Variants in SULT1B1 observed in about 807,000 individuals in gnomAD.
SULT1B1 encodes sulfotransferase family 1B member 1, also known as sulfotransferase 1B1.
In SULT1B1, 28 loss-of-function variants were observed where a neutral mutation model predicts 34.6. The ratio of observed to expected loss-of-function variants is 0.81; its 90% CI spans 0.60 to 1.11. The LOEUF is 1.11. Among genes scored for constraint, SULT1B1 ranks in the 50% least tolerant of loss-of-function variants. The pLI is 0.00. For synonymous variants in SULT1B1, 147 were observed against 110.2 expected (o/e 1.33, Z -2.09); for missense variants, 374 against 352.2 (o/e 1.06, Z -0.50).
intron 4 of SULT1B1, among the ~76,000 whole-genome samples, chr4:69,738,357 T>C (rs1718400264): frequency 1.3e-5 from 2 of 152,164 alleles, no homozygotes; most frequent in African/African-American, 4.8e-5. Context: ...TGACTCACAG[T>C]TCTGCATTGC....
intron 7 of SULT1B1, among the ~76,000 whole-genome samples, chr4:69,729,605 C>G (rs1345920765): frequency 6.6e-6 from 1 of 152,014 alleles, no homozygotes; most frequent in Non-Finnish European, 1.5e-5. Context: ...TTTGAAAACA[C>G]TAGGACTATT....
At chr4:69,756,469 T>A (rs1312235330) in intron 1 of SULT1B1, among the ~76,000 whole-genome samples, 1 of 152,198 alleles carries the variant, frequency 6.6e-6, no homozygotes, top group Non-Finnish European at 1.5e-5. Context: ...GTAGACTGAG[T>A]GATTGTCCTG....
At position 69,722,580 on chromosome 4, in the gene SULT1B1, A is replaced by G. The variant is rs1717689930; in HGVS notation, c.*4508T>C. ...TGTGGAACATAAACACAAATTATAT[A>G]CTCTAAAATACTTTATAAAACATAT... On this transcript the variant is annotated 3_prime_UTR_variant, in exon 8 of 8. Coordinates refer to ENST00000310613, the MANE Select transcript of SULT1B1 (RefSeq NM_014465.4). The G allele has an allele frequency of 6.6e-6, 1 of 152,132 alleles. No homozygotes were observed. The highest frequency in any genetic ancestry group is 2.1e-4 in the South Asian group (1 of 4,836). 9.4% of individuals were successfully genotyped at this position (152,132 alleles called of 1,614,324 possible).
rs1019585533 is a variant in SULT1B1 at position 69,726,995 on chromosome 4, A to T, written c.*93T>A. 2 of 811,060 alleles carry T rather than the reference A, an allele frequency of 2.5e-6. No homozygotes were observed. Among genetic ancestry groups the T allele is most frequent in the Admixed American group, 3.0e-5 (1 of 33,318 alleles). The allele number at this position is 811,060 out of a possible 1,614,324, so 50.2% of individuals were successfully genotyped here. ...AAAAGCATATTATTCTCCTTTATAA[A>T]TTCATTTGATTGCCCAAATCAATTC... On this transcript the variant is annotated 3_prime_UTR_variant, in exon 8 of 8. Transcript: ENST00000310613.
intron 4 of SULT1B1, among the ~76,000 whole-genome samples, chr4:69,736,248 C>A (rs1718304322): frequency 1.3e-5 from 2 of 152,184 alleles, no homozygotes; most frequent in African/African-American, 4.8e-5. Context: ...AAGTGCTCTG[C>A]ACCTGTAAAT....
intron 4 of SULT1B1, among the ~76,000 whole-genome samples, chr4:69,742,661 T>C (rs1405544801): frequency 1.3e-5 from 2 of 152,278 alleles, no homozygotes; most frequent in Non-Finnish European, 2.9e-5. Context: ...GGCGCCTTTG[T>C]CCAAGGTTTG....
chr4:69,752,220 C>T (rs1719010702), intron 3 of SULT1B1, among the ~76,000 whole-genome samples: 1 of 152,064 alleles, frequency 6.6e-6, no homozygotes, highest in Non-Finnish European at 1.5e-5. Flanking sequence ...TGAAATCTTG[C>T]TAAGTGTCTA....
At chr4:69,758,938 G>C (rs1026166831) in intron 1 of SULT1B1, among the ~76,000 whole-genome samples, 1 of 152,194 alleles carries the variant, frequency 6.6e-6, no homozygotes, top group Admixed American at 6.5e-5. Context: ...TGTTGGAAAT[G>C]TGGAATCTCA....
intron 4 of SULT1B1, among the ~76,000 whole-genome samples, chr4:69,738,417 A>C (rs2110021880): frequency 6.6e-6 from 1 of 152,324 alleles, no homozygotes; most frequent in South Asian, 2.1e-4. Flanking sequence ...AAAGAGAAGC[A>C]GGTACCTTCT....
At chr4:69,749,562 T>G (rs901511873) in intron 4 of SULT1B1, among the ~76,000 whole-genome samples, 159 bp downstream of exon 4, 1 of 152,164 alleles carries the variant, frequency 6.6e-6, no homozygotes, top group African/African-American at 2.4e-5. Flanking sequence ...GACTAAAACT[T>G]AATGGCTTTT....
rs923434811 is a variant in SULT1B1 at position 69,724,116 on chromosome 4, G to C, written c.*2972C>G. ...GTTTGCAGATGACATGATTGTATAT[G>C]TAGAAAACCCCATTGTCTCAGCCCA... is the stretch of plus-strand genomic sequence containing the variant. On this transcript the variant is annotated 3_prime_UTR_variant, in exon 8 of 8. Coordinates refer to ENST00000310613, the MANE Select transcript of SULT1B1 (RefSeq NM_014465.4). 1.3e-5 allele frequency: 2 copies of C among 152,200 alleles called. No individual in the cohort carries two copies. The highest frequency in any genetic ancestry group is 4.2e-4 in the South Asian group (2 of 4,816). 9.4% of individuals were successfully genotyped at this position (152,200 alleles called of 1,614,324 possible).
chr4:69,751,749 G>C (rs1311697121), intron 3 of SULT1B1, among the ~76,000 whole-genome samples: 1 of 152,172 alleles, frequency 6.6e-6, no homozygotes, highest in Non-Finnish European at 1.5e-5. Context: ...ACCGCGCCCG[G>C]CCTAGAGTAG....
At chr4:69,740,401 G>A (rs1718498018) in intron 4 of SULT1B1, among the ~76,000 whole-genome samples, 1 of 152,134 alleles carries the variant, frequency 6.6e-6, no homozygotes, top group Non-Finnish European at 1.5e-5. Context: ...TTTAGCAAGG[G>A]AAATGCCAGG....
At chr4:69,743,310 G>A (rs1718621840) in intron 4 of SULT1B1, among the ~76,000 whole-genome samples, 2 of 152,158 alleles carry the variant, frequency 1.3e-5, no homozygotes, top group African/African-American at 4.8e-5. Context: ...CAGCAAAGAG[G>A]GCACCCTGGA....
chr4:69,733,264 T>G, intron 6 of SULT1B1, 149 bp downstream of exon 6: 1 of 530,518 alleles, frequency 1.9e-6, no homozygotes. Flanking sequence ...AACTCATTAA[T>G]TATAGCAAGA....
chr4:69,734,828 C>CTT (rs71604563), intron 4 of SULT1B1, among the ~76,000 whole-genome samples: 48,598 of 135,426 alleles, frequency 0.36, 9,202 homozygotes, highest in South Asian at 0.45. Flanking sequence ...CTTCGCTACT[C>CTT]TTTTTTTTTT....
Position 69,754,755 on chromosome 4 carries a change from A to G in SULT1B1, c.192T>C (p.Asp64=), listed in dbSNP as rs140281103. Residue 64 remains aspartate, a synonymous_variant, in exon 3 of 8, where the codon GAT becomes GAC. Transcript: ENST00000310613. ...VSEIIDMILN[D]GDIEKCKRGF... Reference sequence around the variant, plus strand: ...CTCGCTTACATTTTTCAATATCTCCATCATTTAGAATCATGTCTATAATTT... The same window carrying G: ...CTCGCTTACATTTTTCAATATCTCCGTCATTTAGAATCATGTCTATAATTT... 9,430 of 1,612,832 alleles carry G rather than the reference A, an allele frequency of 5.8e-3. 44 individuals are homozygous for G. The highest frequency in any genetic ancestry group is 7.1e-3 in the Non-Finnish European group (8,366 of 1,179,162).
At chr4:69,753,716 T>G (rs1299927367) in intron 3 of SULT1B1, among the ~76,000 whole-genome samples, 1 of 152,238 alleles carries the variant, frequency 6.6e-6, no homozygotes, top group East Asian at 1.9e-4. Context: ...AGACTAAAGC[T>G]GTCATCTTAC....
intron 4 of SULT1B1, among the ~76,000 whole-genome samples, chr4:69,739,936 A>T (rs1196875665): frequency 6.6e-6 from 1 of 152,088 alleles, no homozygotes; most frequent in Non-Finnish European, 1.5e-5. Context: ...TCCATCTAAG[A>T]CCACCTCAGC....
Sources: gnomAD v4.1 joint callset for allele counts (sites outside exome capture counted in the v4.1 genomes callset) on GRCh38, gnomAD v4.1.1 for gene constraint, MANE v1.5 for transcripts, NCBI Gene and HGNC (gene_info 2026-07-23, HGNC 2026-07-21) for gene names.